SACS: variants seen among roughly 807,000 people sequenced by gnomAD.
The protein encoded by SACS is sacsin molecular chaperone.
In SACS, 197 loss-of-function variants were observed where a neutral mutation model predicts 348.0. That is an observed-to-expected ratio of 0.57 (90% confidence interval 0.50 to 0.64). The LOEUF (loss-of-function observed/expected upper bound fraction) is 0.64. SACS is among the 30% of genes least tolerant of loss of function. The probability of loss-of-function intolerance (pLI) is 0.00; values close to 1 mark genes in which losing one functional copy is unlikely to be tolerated. For missense variants in SACS, 4,999 were observed against 5,360.8 expected, an observed-to-expected ratio of 0.93 and a Z score of 2.11; for synonymous variants, 1,985 against 1,910.6, an observed-to-expected ratio of 1.04 and a Z score of -1.02.
rs779946324 is a variant in SACS, at chr13:23,355,973, C to A, written c.639G>T (p.Gly213=). Residue 213 remains glycine, a synonymous_variant, in exon 8 of 10, where the codon GGG becomes GGT. Coordinates refer to ENST00000382292, the MANE Select transcript of SACS (RefSeq NM_014363.6). ...VPCIFSGDQI[G]MLDPHQTLFG... Reference sequence around the variant, plus strand: ...AAAGTGTTTGATGAGGATCTAGCATCCCGATTTGGTCACCACTAAAGATAC... The same window carrying A: ...AAAGTGTTTGATGAGGATCTAGCATACCGATTTGGTCACCACTAAAGATAC... 1 of 1,613,826 alleles carries A rather than the reference C, an allele frequency of 6.2e-7. No homozygotes were observed. The highest frequency in any genetic ancestry group is 1.1e-5 in the South Asian group (1 of 91,060).
At chr13:23,351,685 C>T (rs1242103170) in intron 9 of SACS, among the ~76,000 whole-genome samples, 3 of 152,074 alleles carry the variant, frequency 2.0e-5, no homozygotes, top group Non-Finnish European at 4.4e-5. Context: ...ACTAATACAG[C>T]TAGTTATGAG....
At chr13:23,358,207 T>G in intron 7 of SACS, 128 bp downstream of exon 7, 1 of 937,946 alleles carries the variant, frequency 1.1e-6, no homozygotes. Context: ...ACATACCTCC[T>G]GCTACTGACA....
chr13:23,399,743 G>C (rs965188468), intron 2 of SACS, among the ~76,000 whole-genome samples: 3 of 151,934 alleles, frequency 2.0e-5, no homozygotes, highest in Non-Finnish European at 2.9e-5. Flanking sequence ...TTGAGTGCTC[G>C]TTTTCCTTGT....
At chr13:23,424,729 C>T (rs12875522) in intron 1 of SACS, among the ~76,000 whole-genome samples, 11,942 of 152,032 alleles carry the variant, frequency 0.079, 643 homozygotes, top group East Asian at 0.22. Flanking sequence ...GGCTATCAGG[C>T]CTATATATCA....
Position 23,337,612 on chromosome 13 carries a change from G to T in SACS, c.6264C>A (p.Phe2088Leu), listed in dbSNP as rs772734893. Reference sequence around the variant, plus strand: ...ATGGAGTAACACGAAGAACTCCCGAGAACTCATCAACTTTTTCATTTAGAA... The same window carrying T: ...ATGGAGTAACACGAAGAACTCCCGATAACTCATCAACTTTTTCATTTAGAA... ...IFVLNEKVDEFSGVLRVTPCI... is the reference protein window; with the variant it reads ...IFVLNEKVDELSGVLRVTPCI... Residue 2088 changes from phenylalanine to leucine, a missense_variant, in exon 10 of 10, where the codon TTC becomes TTA. By Grantham distance (22) the Phe-to-Leu change is conservative. This residue lies in a region of SACS where 3,156 missense variants were observed against 3,380.1 expected (regional missense o/e 0.93). Coordinates refer to ENST00000382292, the MANE Select transcript of SACS (RefSeq NM_014363.6). 1.2e-6 allele frequency: 2 copies of T among 1,613,654 alleles called. No individual in the cohort carries two copies. The highest frequency in any genetic ancestry group is 2.7e-5 in the African/African-American group (2 of 74,872).
rs764197949 is a variant in SACS, at chr13:23,332,482, C to T, written c.11394G>A (p.Met3798Ile). Residue 3798 changes from methionine to isoleucine, a missense_variant, in exon 10 of 10, where the codon ATG becomes ATA. Coordinates refer to ENST00000382292, the MANE Select transcript of SACS (RefSeq NM_014363.6). Reference sequence around the variant, plus strand: ...TCAGAAGTTTCCAACCATCTTCTACCATCACAAAAGCAACCCCTCGCAACT... The same window carrying T: ...TCAGAAGTTTCCAACCATCTTCTACTATCACAAAAGCAACCCCTCGCAACT... ...RFQLRGVAFV[M>I]VEDGWKLLKP... The T allele has an allele frequency of 6.2e-7, 1 of 1,613,944 alleles. No individual in the cohort carries two copies. Among genetic ancestry groups the T allele is most frequent in the South Asian group, 1.1e-5 (1 of 91,074 alleles).
rs910928704 is a variant in SACS, at chr13:23,354,019, T to C, written c.2094-143A>G. 3.2e-5 allele frequency: 21 copies of C among 654,234 alleles called. No individual in the cohort carries two copies. In the African/African-American group the frequency reaches 3.8e-4, roughly 12 times the overall value. The allele number at this position is 654,234 out of a possible 1,614,324, so 40.5% of individuals were successfully genotyped here. A position where few individuals can be genotyped will look rare whatever the true frequency, so the allele number is the denominator to read the frequency against. On this transcript the variant is annotated intron_variant, in intron 8 of 9. Transcript: ENST00000382292. Reference sequence around the variant, plus strand: ...ATGCACACATCAAATCAAATTACAATATTTTTGATCAAATATTATCTAGAC... The same window carrying C: ...ATGCACACATCAAATCAAATTACAACATTTTTGATCAAATATTATCTAGAC...
intron 2 of SACS, among the ~76,000 whole-genome samples, chr13:23,401,351 G>C (rs886131523): frequency 3.9e-5 from 6 of 152,192 alleles, no homozygotes; most frequent in Non-Finnish European, 7.3e-5. Context: ...AACCACTTGT[G>C]TATCACCTAT....
At position 23,420,633 on chromosome 13, in the gene SACS, G is replaced by C. The variant is rs1460847765; in HGVS notation, c.-501-8893C>G. 2.6e-5 allele frequency among the ~76,000 whole-genome samples: 4 copies of C among 152,152 alleles called. 1 individual carries two copies. The highest frequency in any genetic ancestry group is 2.6e-4 in the Admixed American group (4 of 15,276). ...TCAGCTGGGCCCTGAAGTTCTCCTA[G>C]TGCCTAGTGTCCACCTGAGGCCTTG... On this transcript the variant is annotated intron_variant, in intron 1 of 9. Transcript: ENST00000382292.
At chr13:23,381,537 G>T (rs903954040) in intron 2 of SACS, among the ~76,000 whole-genome samples, 2 of 152,154 alleles carry the variant, frequency 1.3e-5, no homozygotes, top group African/African-American at 4.8e-5. Flanking sequence ...AAAAGGGTGT[G>T]ATCTTACACT....
At position 23,336,552 on chromosome 13, in the gene SACS, CTT is replaced by C; in HGVS notation, c.7322_7323del (p.Gln2441ArgfsTer4). ...TTGCCATAATTTTTCTCACAAAATT[CTT>C]GTTTCTTTTCTCTAATGAGACTCCA... ...GIWSLIREKK[Q>X]EFCEKNYGKI... On this transcript the variant is annotated frameshift_variant, in exon 10 of 10. Transcript: ENST00000382292. LOFTEE classifies it high-confidence loss of function. The C allele has an allele frequency of 6.2e-7, 1 of 1,613,758 alleles. No homozygotes were observed. The highest frequency in any genetic ancestry group is 8.5e-7 in the Non-Finnish European group (1 of 1,179,822).
rs1388640329 is a variant in SACS, at chr13:23,330,749, G to A, written c.13127C>T (p.Ser4376Phe). 5 of 1,613,866 alleles carry A rather than the reference G, an allele frequency of 3.1e-6. No individual in the cohort carries two copies. Among genetic ancestry groups the A allele is most frequent in the Non-Finnish European group, 3.4e-6 (4 of 1,179,908 alleles). The part of the protein sequence containing the change: ...AFLDQNADRA[S>F]RRTFSTSASR... Reference sequence around the variant, plus strand: ...TGCTGAGGTTGAAAATGTTCGTCTGGAGGCCCTGTCTGCATTTTGATCTAG... The same window carrying A: ...TGCTGAGGTTGAAAATGTTCGTCTGAAGGCCCTGTCTGCATTTTGATCTAG... Residue 4376 changes from serine (S) to phenylalanine (F), a missense_variant, in exon 10 of 10, where the codon TCC (serine) becomes TTC (phenylalanine). Ser to Phe is a radical substitution (Grantham distance 155). Around this residue, in one of 6 missense-constraint regions of SACS, gnomAD observed 254 missense variants for 275.1 expected, o/e 0.92. Transcript: ENST00000382292.
At chr13:23,374,238 A>C (rs1410259924) in intron 3 of SACS, among the ~76,000 whole-genome samples, 1 of 152,268 alleles carries the variant, frequency 6.6e-6, no homozygotes, top group Non-Finnish European at 1.5e-5. Flanking sequence ...TGTGTCAAGG[A>C]GGGCAAAGGA....
Position 23,334,961 on chromosome 13 carries a change from G to A in SACS, c.8915C>T (p.Pro2972Leu). The change falls in exon 10 of 10, where the codon CCA becomes CTA. Residue 2972 changes from proline (P) to leucine (L), a missense_variant. Pro to Leu is a moderately conservative substitution (Grantham distance 98). This residue lies in a region of SACS where 734 missense variants were observed against 694.0 expected (regional missense o/e 1.06). Coordinates refer to ENST00000382292, the MANE Select transcript of SACS (RefSeq NM_014363.6). ...FFPVNRLDLQ[P>L]DLYCLVKALY... ...TGCTTTCACTAGACAATATAAATCT[G>A]GCTGTAGATCAAGACGGTTAACTGG... 6.2e-7 allele frequency: 1 copy of A among 1,613,884 alleles called. No homozygotes were observed. Among genetic ancestry groups the A allele is most frequent in the South Asian group, 1.1e-5 (1 of 91,064 alleles).
chr13:23,397,804 A>C (rs890400341), intron 2 of SACS, among the ~76,000 whole-genome samples: 9 of 152,228 alleles, frequency 5.9e-5, no homozygotes, highest in Admixed American at 2.0e-4. Flanking sequence ...TGGCCCATAC[A>C]CATCACTCAG....
Position 23,340,693 on chromosome 13 carries a change from TA to T in SACS, c.3182del (p.Leu1061GlnfsTer27). On this transcript the variant is annotated frameshift_variant, in exon 10 of 10. Transcript: ENST00000382292. LOFTEE classifies it high-confidence loss of function. ...GELFDPDIEV[L>X]KDLFCNEEGT... ...CTTCTTCATTACAAAAGAGATCCTT[TA>T]GTACTTCTATATCAGGGTCAAAGAG... 6.3e-7 allele frequency: 1 copy of T among 1,591,458 alleles called. No individual in the cohort carries two copies. The highest frequency in any genetic ancestry group is 8.5e-7 in the Non-Finnish European group (1 of 1,172,256).
chr13:23,423,393 G>C (rs1014963480), intron 1 of SACS, among the ~76,000 whole-genome samples: 10 of 151,992 alleles, frequency 6.6e-5, no homozygotes, highest in Non-Finnish European at 1.3e-4. Flanking sequence ...AGGCTATTAG[G>C]CCTATGTATG....
At chr13:23,363,838 T>G (rs1476407892) in intron 6 of SACS, among the ~76,000 whole-genome samples, 1 of 152,192 alleles carries the variant, frequency 6.6e-6, no homozygotes, top group Non-Finnish European at 1.5e-5. Context: ...CAGCTGCCAC[T>G]GAGTGTAACA....
rs1883512162 is a variant in SACS, at chr13:23,332,066, T to C, written c.11810A>G (p.Asn3937Ser). ...APHYKSRIQG[N>S]IGVQMLVDLS... is the part of the protein sequence containing the mutation. ...ATCAACTAACATTTGCACACCAATATTCCCCTGGATTCTACTTTTATAATG... is the reference window on the plus strand; with the variant it reads ...ATCAACTAACATTTGCACACCAATACTCCCCTGGATTCTACTTTTATAATG... Residue 3937 changes from asparagine to serine, a missense_variant, in exon 10 of 10, where the codon AAT (asparagine) becomes AGT (serine). Transcript: ENST00000382292. 6.2e-7 allele frequency: 1 copy of C among 1,613,970 alleles called. No homozygotes were observed. Among genetic ancestry groups the C allele is most frequent in the South Asian group, 1.1e-5 (1 of 91,078 alleles).
Sources: allele counts gnomAD v4.1 joint callset (sites outside exome capture counted in the v4.1 genomes callset), GRCh38; gene constraint gnomAD v4.1.1; regional missense constraint gnomAD v4.1.1; transcripts MANE v1.5; gene names NCBI Gene and HGNC (gene_info 2026-07-23, HGNC 2026-07-21).